CLEC4E: variants seen among roughly 807,000 people sequenced by gnomAD.
The protein encoded by CLEC4E is C-type lectin domain family 4 member E.
Under a neutral mutation model 24.7 loss-of-function variants are expected in CLEC4E, and 21 were observed. That is an observed-to-expected ratio of 0.85 (90% CI 0.60 to 1.22). The LOEUF is 1.22. CLEC4E is among the 50% of genes most tolerant of loss of function. The probability of loss-of-function intolerance (pLI) is 0.00; values close to 1 mark genes in which losing one functional copy is unlikely to be tolerated. For synonymous variants in CLEC4E, 94 were observed against 85.7 expected, an observed-to-expected ratio of 1.10 and a Z score of -0.54; for missense variants, 249 against 254.1, an observed-to-expected ratio of 0.98 and a Z score of 0.14.
At chr12:8,535,955 T>C in intron 5 of CLEC4E, 135 bp downstream of exon 5, 1 of 517,322 alleles carries the variant, frequency 1.9e-6, no homozygotes, top group Non-Finnish European at 3.5e-6. Context: ...AAGTGGGTGC[T>C]TGTACTTCTC....
Position 8,540,896 on chromosome 12 carries a change from G to A in CLEC4E, c.-99C>T, listed in dbSNP as rs2136402500. 1 of 818,104 alleles carries A rather than the reference G, an allele frequency of 1.2e-6. No homozygotes were observed. The highest frequency in any genetic ancestry group is 2.4e-5 in the East Asian group (1 of 41,142). The allele number at this position is 818,104 out of a possible 1,614,324, so 50.7% of individuals were successfully genotyped here. A position where few individuals can be genotyped will look rare whatever the true frequency, so the allele number is the denominator to read the frequency against. On this transcript the variant is annotated 5_prime_UTR_variant, in exon 1 of 6. Coordinates refer to ENST00000299663, the MANE Select transcript of CLEC4E (RefSeq NM_014358.4). Reference sequence around the variant, plus strand: ...GAGTGTTTTGTTGGTAAGATTCAGGGAGAATGAATCTTGAAAGATAAACAC... The same window carrying A: ...GAGTGTTTTGTTGGTAAGATTCAGGAAGAATGAATCTTGAAAGATAAACAC...
chr12:8,538,224 G>A (rs776824929), intron 3 of CLEC4E, among the ~76,000 whole-genome samples: 4 of 152,338 alleles, frequency 2.6e-5, no homozygotes, highest in East Asian at 1.9e-4. Flanking sequence ...AGGCCTAACC[G>A]TCTCCCTGTG....
intron 2 of CLEC4E, 139 bp downstream of exon 2, chr12:8,539,716 C>T (rs1940669902): frequency 3.1e-6 from 2 of 652,394 alleles, no homozygotes; most frequent in Non-Finnish European, 5.5e-6. Flanking sequence ...GAGAAATAAC[C>T]TAGAGATTAA....
In CLEC4E at chr12:8,539,242, C is replaced by T. The variant is rs1238020672; in HGVS notation, c.195G>A (p.Glu65=). Residue 65 remains glutamate, a synonymous_variant, in exon 3 of 6, where the codon GAG becomes GAA. Transcript: ENST00000299663. ...KKFQLPENFT[E]LSCYNYGSGS... is the part of the protein sequence containing the mutation. ...CTGATCCATAATTGTAGCAGGAGAG[C>T]TCTGTGAAATTCTCAGGTAGCTGAA... 2 of 1,612,242 alleles carry T rather than the reference C, an allele frequency of 1.2e-6. No individual in the cohort carries two copies. The highest frequency in any genetic ancestry group is 1.7e-6 in the Non-Finnish European group (2 of 1,178,466).
At chr12:8,536,984 TAGTA>T (rs1292511722) in intron 4 of CLEC4E, 127 bp downstream of exon 4, 10 of 766,300 alleles carry the variant, frequency 1.3e-5, no homozygotes, top group African/African-American at 1.2e-4. Context: ...TTTACCGAAA[TAGTA>T]AGAACAGCAT....
At chr12:8,539,190 T>C in intron 3 of CLEC4E, 27 bp downstream of exon 3, 1 of 1,465,708 alleles carries the variant, frequency 6.8e-7, no homozygotes, top group South Asian at 1.2e-5. Context: ...TTGTAAATTT[T>C]GATGTTCACC....
At chr12:8,535,745 C>G (rs1008243677) in intron 5 of CLEC4E, among the ~76,000 whole-genome samples, 10 of 152,134 alleles carry the variant, frequency 6.6e-5, no homozygotes, top group African/African-American at 2.4e-4. Context: ...GAGACATTAT[C>G]AAGAGATTCT....
intron 3 of CLEC4E, chr12:8,539,011 C>T (rs1940658583): frequency 2.1e-6 from 1 of 485,758 alleles, no homozygotes; most frequent in Non-Finnish European, 3.6e-6. Context: ...CAGACATACC[C>T]CTCAAATTTA....
intron 5 of CLEC4E, 88 bp downstream of exon 5, chr12:8,536,002 A>G (rs753232485): frequency 1.3e-6 from 1 of 751,832 alleles, no homozygotes; most frequent in Non-Finnish European, 2.3e-6. Context: ...TCTTTCCTGC[A>G]TTTAATACCA....
At position 8,534,920 on chromosome 12, in the gene CLEC4E, G is replaced by A. The variant is rs1940592946; in HGVS notation, c.489-111C>T. 6.5e-6 allele frequency: 6 copies of A among 920,522 alleles called. No individual in the cohort carries two copies. In the South Asian group the frequency reaches 9.3e-5, roughly 14 times the overall value. The allele number at this position is 920,522 out of a possible 1,614,324, so 57.0% of individuals were successfully genotyped here. A position where few individuals can be genotyped will look rare whatever the true frequency, so the allele number is the denominator to read the frequency against. On this transcript the variant is annotated intron_variant, in intron 5 of 5. Coordinates refer to ENST00000299663, the MANE Select transcript of CLEC4E (RefSeq NM_014358.4). The stretch of plus-strand genomic sequence containing the variant: ...ATTTAACCTCACAACAATTTTGCGA[G>A]GTAGGTATTATAATGTCCATTTTAT...
intron 3 of CLEC4E, chr12:8,538,919 C>T (rs911113705): frequency 7.5e-6 from 3 of 402,100 alleles, no homozygotes; most frequent in Non-Finnish European, 1.3e-5. Context: ...TACGTTTTTT[C>T]TCCATCTCAT....
intron 4 of CLEC4E, 53 bp downstream of exon 4, chr12:8,537,060 AAG>A: frequency 6.4e-7 from 1 of 1,555,420 alleles, no homozygotes; most frequent in Non-Finnish European, 8.8e-7. Context: ...TATGTATGAA[AAG>A]AGAGGTGGAC....
chr12:8,534,567 C>T lies in CLEC4E; in HGVS notation c.*71G>A, dbSNP rs984890905. On this transcript the variant is annotated 3_prime_UTR_variant, in exon 6 of 6. Coordinates refer to ENST00000299663, the MANE Select transcript of CLEC4E (RefSeq NM_014358.4). ...TTTGAAGTTCAGCGCACAAATTTCT[C>T]GTGTGGGGCGGTGGGTGTGGCCATG... 1.1e-5 allele frequency: 13 copies of T among 1,168,682 alleles called. No individual in the cohort carries two copies. Among genetic ancestry groups the T allele is most frequent in the African/African-American group, 6.2e-5 (4 of 64,922 alleles). 72.4% of individuals were successfully genotyped at this position (1,168,682 alleles called of 1,614,324 possible).
chr12:8,536,630 A>ATT (rs200839687), intron 4 of CLEC4E, among the ~76,000 whole-genome samples: 1 of 151,524 alleles, frequency 6.6e-6, no homozygotes, highest in African/African-American at 2.4e-5. Flanking sequence ...TTATCTACTG[A>ATT]TTTTTTTTTG....
intron 3 of CLEC4E, 138 bp downstream of exon 3, chr12:8,539,079 C>A (rs1205761910): frequency 3.3e-6 from 2 of 609,586 alleles, no homozygotes; most frequent in Non-Finnish European, 5.8e-6. Context: ...AATTGCATCA[C>A]CAAATTTCTA....
In CLEC4E at chr12:8,536,198, A is replaced by G. The variant is rs1211255959; in HGVS notation, c.380T>C (p.Leu127Pro). The G allele has an allele frequency of 1.3e-6, 2 of 1,558,036 alleles. No homozygotes were observed. The highest frequency in any genetic ancestry group is 1.4e-5 in the African/African-American group (1 of 73,764). ...VINSQEEQEF[L>P]SYKKPKMREF... ...TCTCATTTTAGGTTTCTTGTAGGAA[A>G]GGAATTCCTATGGAAGATACAAAAT... Residue 127 changes from leucine (L) to proline (P), a missense_variant, in exon 5 of 6, where the codon CTT becomes CCT. Transcript: ENST00000299663.
chr12:8,538,376 T>A (rs1940644621), intron 3 of CLEC4E, among the ~76,000 whole-genome samples: 1 of 152,212 alleles, frequency 6.6e-6, no homozygotes, highest in Non-Finnish European at 1.5e-5. Flanking sequence ...TAAGCTGTCT[T>A]TCTCTCTGTC....
chr12:8,539,289 G>T lies in CLEC4E; in HGVS notation c.148C>A (p.Gln50Lys). 1 of 1,609,666 alleles carries T rather than the reference G, an allele frequency of 6.2e-7. No homozygotes were observed. The highest frequency in any genetic ancestry group is 2.2e-5 in the East Asian group (1 of 44,802). ...TRCVVTFRIF[Q>K]TCDEKKFQLP... ...TGAAACTTTTTCTCATCACAGGTTT[G>T]AAAGATGCGAAATGTCACTGTAAAA... The change falls in exon 3 of 6, where the codon CAA becomes AAA. Residue 50 changes from glutamine (Q) to lysine (K), a missense_variant. By Grantham distance (53) the Gln-to-Lys change is moderately conservative. Transcript: ENST00000299663.
intron 1 of CLEC4E, among the ~76,000 whole-genome samples, chr12:8,540,553 T>C (rs1052744193): frequency 6.6e-6 from 1 of 152,070 alleles, no homozygotes; most frequent in Admixed American, 6.5e-5. Flanking sequence ...GCAGAAAGGG[T>C]GGAAACTGAT....
Sources: gnomAD v4.1 joint callset for allele counts (sites outside exome capture counted in the v4.1 genomes callset) on GRCh38, gnomAD v4.1.1 for gene constraint, MANE v1.5 for transcripts, NCBI Gene and HGNC (gene_info 2026-07-23, HGNC 2026-07-21) for gene names.